The following LHCGR variants were observed in gnomAD, a reference collection of about 807,000 sequenced individuals.
LHCGR encodes luteinizing hormone/choriogonadotropin receptor, also known as lutropin-choriogonadotropic hormone receptor.
Under a neutral mutation model 60.7 loss-of-function variants are expected in LHCGR, and 55 were observed. The observed-to-expected ratio is 0.91, with a 90% CI of 0.73 to 1.13. The LOEUF is 1.13. LHCGR is among the 50% of genes most tolerant of loss of function. The probability of loss-of-function intolerance (pLI) is 0.00; values close to 1 mark genes in which losing one functional copy is unlikely to be tolerated. For synonymous variants in LHCGR, 337 were observed against 316.5 expected, an observed-to-expected ratio of 1.06 and a Z score of -0.69; for missense variants, 862 against 836.0, an observed-to-expected ratio of 1.03 and a Z score of -0.38.
chr2:48,696,997 C>G (rs975653688), intron 9 of LHCGR, among the ~76,000 whole-genome samples: 1 of 152,188 alleles, frequency 6.6e-6, no homozygotes, highest in African/African-American at 2.4e-5. Flanking sequence ...TTTATAAAAG[C>G]AAATTTGAGT....
At chr2:48,740,589 C>T (rs1669402627) in intron 1 of LHCGR, among the ~76,000 whole-genome samples, 1 of 152,146 alleles carries the variant, frequency 6.6e-6, no homozygotes, top group South Asian at 2.1e-4. Flanking sequence ...CAGACTGACA[C>T]CTCACATGGC....
intron 8 of LHCGR, 60 bp downstream of exon 8, chr2:48,708,888 C>A: frequency 2.3e-6 from 3 of 1,307,336 alleles, no homozygotes; most frequent in Non-Finnish European, 3.3e-6. Context: ...GGAGGGACAC[C>A]CTAAGCAGTC....
In LHCGR at chr2:48,751,344, G is replaced by A. The variant is rs574951413; in HGVS notation, c.161+4167C>T. Among the ~76,000 whole-genome samples, 21 of 152,240 alleles carry A rather than the reference G, an allele frequency of 1.4e-4. No individual in the cohort carries two copies. The South Asian group carries it at 4.2e-3, about 30-fold the overall frequency. Reference sequence around the variant, plus strand: ...AAGAAATATTTCCCCCCCAGCCTGGGAAGAATTTATTCAACCTTCTTCCTT... The same window carrying A: ...AAGAAATATTTCCCCCCCAGCCTGGAAAGAATTTATTCAACCTTCTTCCTT... On this transcript the variant is annotated intron_variant, in intron 1 of 10. Coordinates refer to ENST00000294954, the MANE Select transcript of LHCGR (RefSeq NM_000233.4).
rs1680005340 is a variant in LHCGR at position 48,688,224 on chromosome 2, G to A, written c.1573C>T (p.Gln525Ter). 4 of 1,614,178 alleles carry A rather than the reference G, an allele frequency of 2.5e-6. No individual in the cohort carries two copies. The highest frequency in any genetic ancestry group is 3.4e-6 in the Non-Finnish European group (4 of 1,180,024). The change falls in exon 11 of 11, where the codon CAA becomes TAA. Residue 525 changes from glutamine (Q) to a stop codon, truncating the protein, a stop_gained. Coordinates refer to ENST00000294954, the MANE Select transcript of LHCGR (RefSeq NM_000233.4). LOFTEE classifies it high-confidence loss of function. This position sits in a 1 kb window ranked among gnomAD's most constrained non-coding sequence, Gnocchi z 5.2. ...FPMDVETTLS[Q>*]VYILTILILN... ...ATCAGGATGGTTAATATATAGACTT[G>A]TGAGAGAGTGGTTTCCACATCCATG...
In LHCGR at chr2:48,687,815, G is replaced by C. The variant is rs1040010661; in HGVS notation, c.1982C>G (p.Ser661Cys). The change falls in exon 11 of 11, where the codon TCC becomes TGC. Residue 661 changes from serine to cysteine, a missense_variant. By Grantham distance (112) the Ser-to-Cys change is moderately radical. Coordinates refer to ENST00000294954, the MANE Select transcript of LHCGR (RefSeq NM_000233.4). ...YRRKDFSAYT[S>C]NCKNGFTGSN... Reference sequence around the variant, plus strand: ...TCCAGTGAAGCCATTTTTGCAGTTGGAGGTGTAAGCTGAAAAATCTTTCCT... The same window carrying C: ...TCCAGTGAAGCCATTTTTGCAGTTGCAGGTGTAAGCTGAAAAATCTTTCCT... 1.3e-5 allele frequency: 21 copies of C among 1,614,168 alleles called. No individual in the cohort carries two copies. The highest frequency in any genetic ancestry group is 1.4e-5 in the Non-Finnish European group (16 of 1,180,022).
chr2:48,713,216 A>G (rs572986853), intron 7 of LHCGR, among the ~76,000 whole-genome samples: 1 of 45,276 alleles, frequency 2.2e-5, no homozygotes, highest in East Asian at 6.6e-4. Flanking sequence ...TATACAACTT[A>G]TTGATTTTAA....
intron 1 of LHCGR, among the ~76,000 whole-genome samples, chr2:48,741,430 A>G (rs7425886): frequency 6.9e-6 from 1 of 145,068 alleles, no homozygotes; most frequent in Non-Finnish European, 1.5e-5. Context: ...AATGTTAAGG[A>G]CAGCCAGAGA....
At chr2:48,713,569 C>G (rs1376148266) in intron 7 of LHCGR, among the ~76,000 whole-genome samples, 2 of 152,156 alleles carry the variant, frequency 1.3e-5, no homozygotes. Flanking sequence ...AGATGGGACT[C>G]TCTGAGTGGG....
intron 8 of LHCGR, among the ~76,000 whole-genome samples, chr2:48,704,877 C>G (rs573946602): frequency 9.5e-4 from 144 of 151,976 alleles, no homozygotes; most frequent in Admixed American, 3.0e-3. Context: ...GGTTTTTTGT[C>G]TCTCTATCTC....
intron 1 of LHCGR, among the ~76,000 whole-genome samples, chr2:48,743,072 C>A (rs1463128196): frequency 3.9e-5 from 6 of 152,278 alleles, no homozygotes; most frequent in Admixed American, 6.5e-5. Flanking sequence ...CACCTCTATG[C>A]AAATAAACTA....
At chr2:48,708,567 CACACAT>C (rs372945697) in intron 8 of LHCGR, among the ~76,000 whole-genome samples, 6 of 151,818 alleles carry the variant, frequency 4.0e-5, no homozygotes, top group African/African-American at 1.5e-4. Flanking sequence ...CACACACACA[CACACAT>C]GCACACACAT....
intron 1 of LHCGR, among the ~76,000 whole-genome samples, chr2:48,742,402 C>A (rs1341527867): frequency 1.3e-5 from 2 of 150,166 alleles, no homozygotes; most frequent in African/African-American, 4.9e-5. Context: ...TTTTTCAGCA[C>A]CACACCACAC....
chr2:48,755,693 C>T lies in LHCGR; in HGVS notation c.-22G>A. The T allele has an allele frequency of 2.6e-6, 4 of 1,534,096 alleles. No individual in the cohort carries two copies. Among genetic ancestry groups the T allele is most frequent in the Admixed American group, 2.0e-5 (1 of 50,974 alleles). ...TCATGGCCGGCGAACTGGGCTTCTG[C>T]GGCTTGCCAGTGTCTTGGACGGCCT... On this transcript the variant is annotated 5_prime_UTR_variant, in exon 1 of 11. Transcript: ENST00000294954.
At chr2:48,717,094 C>G (rs1263938032) in intron 6 of LHCGR, among the ~76,000 whole-genome samples, 4 of 152,166 alleles carry the variant, frequency 2.6e-5, no homozygotes, top group Non-Finnish European at 4.4e-5. Context: ...TGTCCAGAGT[C>G]TAGTCCCTGG....
chr2:48,698,518 G>T, intron 9 of LHCGR, 97 bp downstream of exon 9: 1 of 929,390 alleles, frequency 1.1e-6, no homozygotes, highest in Non-Finnish European at 1.7e-6. Context: ...AAGAAGGTAG[G>T]GAGTGAAGGG....
intron 1 of LHCGR, among the ~76,000 whole-genome samples, chr2:48,747,012 CT>C (rs1669739942): frequency 6.6e-6 from 1 of 152,192 alleles, no homozygotes; most frequent in African/African-American, 2.4e-5. Context: ...CACTTAAAAA[CT>C]TTTTTTAAAG....
intron 9 of LHCGR, among the ~76,000 whole-genome samples, chr2:48,698,118 G>C (rs1197523316): frequency 6.6e-6 from 1 of 152,266 alleles, no homozygotes; most frequent in East Asian, 1.9e-4. Flanking sequence ...CCCATGCTAA[G>C]CTTATCTTTA....
chr2:48,697,810 A>G (rs1667197249), intron 9 of LHCGR, among the ~76,000 whole-genome samples: 1 of 152,204 alleles, frequency 6.6e-6, no homozygotes, highest in African/African-American at 2.4e-5. Context: ...AGAGTGCATC[A>G]AGACTGGCAT....
Position 48,694,305 on chromosome 2 carries a change from C to G in LHCGR, c.867-1G>C. The G allele has an allele frequency of 6.3e-7, 1 of 1,586,674 alleles. No homozygotes were observed. The highest frequency in any genetic ancestry group is 8.6e-7 in the Non-Finnish European group (1 of 1,158,370). The stretch of plus-strand genomic sequence containing the variant: ...AGAAATGGAATGTGAAAAATTCTGT[C>G]TGAAAGAGAAGAGGTTAAAAAAAGC... On this transcript the variant is annotated splice_acceptor_variant, in intron 9 of 10. Transcript: ENST00000294954. LOFTEE classifies it high-confidence loss of function.
Sources: allele counts gnomAD v4.1 joint callset (sites outside exome capture counted in the v4.1 genomes callset), GRCh38; gene constraint gnomAD v4.1.1; non-coding constraint Gnocchi (gnomAD v3.1); transcripts MANE v1.5; gene names NCBI Gene and HGNC (gene_info 2026-07-23, HGNC 2026-07-21).